The following TSPAN18 variants were observed in gnomAD, a reference collection of about 807,000 sequenced individuals.
The protein encoded by TSPAN18 is tetraspanin-18.
TSPAN18 carries 14 observed loss-of-function variants against 27.3 expected under a neutral mutation model. That is an observed-to-expected ratio of 0.51 (90% CI 0.34 to 0.80). TSPAN18 has a LOEUF of 0.80. Ranked by LOEUF, TSPAN18 falls within the 30% of genes least tolerant of loss-of-function variation. TSPAN18 has a pLI of 0.01. For missense variants in TSPAN18, 268 were observed against 323.9 expected (o/e 0.83, Z 1.32); for synonymous variants, 143 against 136.5 (o/e 1.05, Z -0.33).
chr11:44,811,250 G>A (rs549241889), intron 2 of TSPAN18, among the ~76,000 whole-genome samples: 172 of 151,770 alleles, frequency 1.1e-3, no homozygotes, highest in African/African-American at 4.0e-3. Flanking sequence ...TTGCACCTCT[G>A]TTGATGTTTA....
At chr11:44,781,038 A>G (rs1052602697) in intron 2 of TSPAN18, among the ~76,000 whole-genome samples, 1 of 152,202 alleles carries the variant, frequency 6.6e-6, no homozygotes, top group Non-Finnish European at 1.5e-5. Flanking sequence ...CTGGCTTATC[A>G]CAAACATTAA....
At chr11:44,751,805 T>C (rs1195278923) in intron 1 of TSPAN18, among the ~76,000 whole-genome samples, 1 of 151,900 alleles carries the variant, frequency 6.6e-6, no homozygotes, top group Non-Finnish European at 1.5e-5. Flanking sequence ...CAGGTGCCTG[T>C]AATCCCAGCT....
intron 2 of TSPAN18, among the ~76,000 whole-genome samples, chr11:44,811,352 G>A (rs1244856640): frequency 1.3e-5 from 2 of 152,136 alleles, no homozygotes; most frequent in East Asian, 3.9e-4. Flanking sequence ...ATAAGAGAGA[G>A]GGAGGGAAAG....
In TSPAN18 at chr11:44,740,729, C is replaced by T. The variant is rs182035623; in HGVS notation, c.-240+13442C>T. ...TGGAGGGAGCACTGGACTGCGAGTC[C>T]GGAAAGCCTGATCTTTAAGTCCAGT... On this transcript the variant is annotated intron_variant, in intron 1 of 9. Coordinates refer to ENST00000520358, the MANE Select transcript of TSPAN18 (RefSeq NM_130783.5). 6.8e-3 allele frequency among the ~76,000 whole-genome samples: 1,035 copies of T among 152,238 alleles called. 13 individuals are homozygous for T. The highest frequency in any genetic ancestry group is 0.01 in the Middle Eastern group (3 of 294).
chr11:44,850,316 A>G (rs1159957280), intron 2 of TSPAN18, among the ~76,000 whole-genome samples: 2 of 152,128 alleles, frequency 1.3e-5, no homozygotes, highest in African/African-American at 4.8e-5. Context: ...CCATTTGCCA[A>G]GAGAACCGAT....
At chr11:44,735,778 G>C (rs987813143) in intron 1 of TSPAN18, among the ~76,000 whole-genome samples, 1 of 152,078 alleles carries the variant, frequency 6.6e-6, no homozygotes, top group African/African-American at 2.4e-5. Flanking sequence ...CACCACGCCT[G>C]GCTAATTTTT....
chr11:44,802,238 C>T (rs1856496151), intron 2 of TSPAN18, among the ~76,000 whole-genome samples: 1 of 150,704 alleles, frequency 6.6e-6, no homozygotes, highest in Non-Finnish European at 1.5e-5. Context: ...AGGAACCCTG[C>T]AGGAGAGGAA....
intron 2 of TSPAN18, among the ~76,000 whole-genome samples, chr11:44,817,409 C>T (rs369022937): frequency 8.5e-5 from 13 of 152,368 alleles, no homozygotes; most frequent in African/African-American, 2.9e-4. Flanking sequence ...CTTTCGGCTC[C>T]AGGCTTGGCT....
intron 4 of TSPAN18, 129 bp downstream of exon 4, chr11:44,906,608 C>A: frequency 1.1e-6 from 1 of 869,572 alleles, no homozygotes; most frequent in Non-Finnish European, 1.8e-6. Context: ...GGGTACCTGC[C>A]AGCCAGGCTT....
intron 3 of TSPAN18, among the ~76,000 whole-genome samples, chr11:44,876,702 CTTG>C (rs1230601605): frequency 1.3e-5 from 2 of 152,182 alleles, no homozygotes; most frequent in Admixed American, 6.5e-5. Flanking sequence ...ATACATGTTC[CTTG>C]TTGTAAAAAA....
intron 2 of TSPAN18, among the ~76,000 whole-genome samples, chr11:44,845,802 C>T (rs1293651524): frequency 6.6e-6 from 1 of 152,210 alleles, no homozygotes; most frequent in Non-Finnish European, 1.5e-5. Context: ...CTCCAGGGCA[C>T]ACAGTTGACA....
rs59241339 is a variant in TSPAN18, at chr11:44,807,527, CAAAAAAAAAAA to C, written c.-153+43029_-153+43039del. Among the ~76,000 whole-genome samples the C allele has an allele frequency of 5.3e-3, 344 of 64,482 alleles. 5 individuals are homozygous for C. The highest frequency in any genetic ancestry group is 5.4e-3 in the Non-Finnish European group (203 of 37,660). The allele number at this position is 64,482 out of a possible 152,430, so 42.3% of individuals were successfully genotyped here. A position where few individuals can be genotyped will look rare whatever the true frequency, so the allele number is the denominator to read the frequency against. ...TAGGCACAAGAGTGAAACTCCATCT[CAAAAAAAAAAA>C]AAAAAAAAAAAAAGAAAAGAAAAAA... On this transcript the variant is annotated intron_variant, in intron 2 of 9. Transcript: ENST00000520358.
Position 44,730,560 on chromosome 11 carries a change from C to G in TSPAN18, c.-240+3273C>G, listed in dbSNP as rs573179346. Among the ~76,000 whole-genome samples, 19 of 152,104 alleles carry G rather than the reference C, an allele frequency of 1.2e-4. 1 individual carries two copies. The East Asian group carries it at 3.3e-3, about 26-fold the overall frequency. On this transcript the variant is annotated intron_variant, in intron 1 of 9. Coordinates refer to ENST00000520358, the MANE Select transcript of TSPAN18 (RefSeq NM_130783.5). ...ACCAGCTTGGGCTCCTCCTGCCACC[C>G]GGGCTGGCACCTTGGACCTGCATTA...
intron 2 of TSPAN18, among the ~76,000 whole-genome samples, chr11:44,793,917 C>T (rs988863869): frequency 5.3e-5 from 8 of 152,032 alleles, no homozygotes; most frequent in South Asian, 4.1e-4. Flanking sequence ...GCCGTTTCCA[C>T]GGCAACCCCA....
At position 44,727,012 on chromosome 11, in the gene TSPAN18, G is replaced by C. The variant is rs1315270438; in HGVS notation, c.-515G>C. On this transcript the variant is annotated 5_prime_UTR_variant, in exon 1 of 10. Transcript: ENST00000520358. ...CAGGCTGCGGGGCGGACGTAGCGCC[G>C]AGCGATCCACCGCGGAGCCGCGCGA... The C allele has an allele frequency of 1.4e-5, 2 of 147,424 alleles. No individual in the cohort carries two copies. Among genetic ancestry groups the C allele is most frequent in the Admixed American group, 1.3e-4 (2 of 14,832 alleles). The allele number at this position is 147,424 out of a possible 1,614,324, so 9.1% of individuals were successfully genotyped here.
chr11:44,892,284 G>A (rs899068059), intron 3 of TSPAN18, among the ~76,000 whole-genome samples: 1 of 152,212 alleles, frequency 6.6e-6, no homozygotes, highest in Non-Finnish European at 1.5e-5. Flanking sequence ...ACATGACAGG[G>A]TGTAGGTAGG....
At chr11:44,882,882 A>G in intron 3 of TSPAN18, among the ~76,000 whole-genome samples, 1 of 152,174 alleles carries the variant, frequency 6.6e-6, no homozygotes, top group East Asian at 1.9e-4. Context: ...AACTGCAGAA[A>G]AGGTACCAGT....
At position 44,929,201 on chromosome 11, in the gene TSPAN18, G is replaced by A. The variant is rs1860479711; in HGVS notation, c.*23G>A. ...TAGAGGGTATGGCCTGAAGCCTGAA[G>A]ACTCGCCCCACCCACCACTGCCCAG... On this transcript the variant is annotated 3_prime_UTR_variant, in exon 10 of 10. Transcript: ENST00000520358. The A allele has an allele frequency of 1.2e-6, 2 of 1,613,320 alleles. No homozygotes were observed. Among genetic ancestry groups the A allele is most frequent in the Non-Finnish European group, 1.7e-6 (2 of 1,179,970 alleles).
chr11:44,744,679 G>A (rs1855029125), intron 1 of TSPAN18, among the ~76,000 whole-genome samples: 2 of 152,216 alleles, frequency 1.3e-5, no homozygotes, highest in Non-Finnish European at 2.9e-5. Context: ...CAGGGTTGGT[G>A]TGGGAAATAG....
Sources: allele counts gnomAD v4.1 joint callset (sites outside exome capture counted in the v4.1 genomes callset), GRCh38; gene constraint gnomAD v4.1.1; transcripts MANE v1.5; gene names NCBI Gene and HGNC (gene_info 2026-07-23, HGNC 2026-07-21).